CTNNBIP1: variants seen among roughly 807,000 people sequenced by gnomAD.
The protein encoded by CTNNBIP1 is catenin beta interacting protein 1.
CTNNBIP1 carries 7 observed loss-of-function variants against 11.8 expected under a neutral mutation model. The observed-to-expected ratio is 0.60, with a 90% CI of 0.34 to 1.12. The LOEUF (loss-of-function observed/expected upper bound fraction) is 1.12, where lower values mean the gene tolerates loss of function less well. CTNNBIP1 is among the 50% of genes most tolerant of loss of function. The pLI, the probability that CTNNBIP1 is intolerant of heterozygous loss-of-function variation, is 0.03. For synonymous variants in CTNNBIP1, 58 were observed against 43.9 expected, an observed-to-expected ratio of 1.32 and a Z score of -1.26; for missense variants, 101 against 113.4, an observed-to-expected ratio of 0.89 and a Z score of 0.50.
intron 1 of CTNNBIP1, among the ~76,000 whole-genome samples, chr1:9,897,828 T>TA (rs1269835936): frequency 6.6e-6 from 1 of 151,118 alleles, no homozygotes; most frequent in East Asian, 1.9e-4. Context: ...ATAAAAGAAA[T>TA]AAAAAAATTT....
chr1:9,896,101 T>TG lies in CTNNBIP1; in HGVS notation c.-143-12364dup, dbSNP rs1490046151. On this transcript the variant is annotated intron_variant, in intron 1 of 5. Coordinates refer to ENST00000377263, the MANE Select transcript of CTNNBIP1 (RefSeq NM_020248.3). ...GCTCTTCAACCTACTTAATCTAGAG[T>TG]GGTTTAGCAGCTTTTCTTTGTTTAT... Among the ~76,000 whole-genome samples the TG allele has an allele frequency of 2.2e-4, 33 of 152,088 alleles. 1 individual carries two copies. In the East Asian group the frequency reaches 2.3e-3, roughly 11 times the overall value.
rs1316715071 is a variant in CTNNBIP1 at position 9,859,141 on chromosome 1, C to G, written c.188-8365G>C. Among the ~76,000 whole-genome samples the G allele has an allele frequency of 2.0e-5, 3 of 152,336 alleles. No individual in the cohort carries two copies. In the East Asian group the frequency reaches 5.8e-4, roughly 29 times the overall value. On this transcript the variant is annotated intron_variant, in intron 5 of 5. Coordinates refer to ENST00000377263, the MANE Select transcript of CTNNBIP1 (RefSeq NM_020248.3). Reference sequence around the variant, plus strand: ...CAACTGGTCCCCACTCCTATCTCCCCTGAGCCCTGCTCCCTATCTCTGCCT... The same window carrying G: ...CAACTGGTCCCCACTCCTATCTCCCGTGAGCCCTGCTCCCTATCTCTGCCT...
chr1:9,905,712 G>T (rs1189003759), intron 1 of CTNNBIP1, among the ~76,000 whole-genome samples: 3 of 151,086 alleles, frequency 2.0e-5, no homozygotes, highest in African/African-American at 7.3e-5. Context: ...TTACAAGCGT[G>T]AACCACCGCG....
rs1204927741 is a variant in CTNNBIP1 at position 9,910,135 on chromosome 1, T to G, written c.-184A>C. 6 of 145,878 alleles carry G rather than the reference T, an allele frequency of 4.1e-5. No individual in the cohort carries two copies. Among genetic ancestry groups the G allele is most frequent in the African/African-American group, 1.5e-4 (6 of 40,604 alleles). The allele number at this position is 145,878 out of a possible 1,614,324, so 9.0% of individuals were successfully genotyped here. On this transcript the variant is annotated 5_prime_UTR_variant, in exon 1 of 6. Coordinates refer to ENST00000377263, the MANE Select transcript of CTNNBIP1 (RefSeq NM_020248.3). ...CGGCCGGGCCGGCAGGGGCAGCGGG[T>G]CCGGCGCGCAGCGCGCGGCGGCCTG...
chr1:9,859,394 G>A (rs957261085), intron 5 of CTNNBIP1, among the ~76,000 whole-genome samples: 3 of 152,160 alleles, frequency 2.0e-5, no homozygotes, highest in African/African-American at 4.8e-5. Flanking sequence ...GCCCCTAGCC[G>A]GGGGCGGGAG....
At chr1:9,895,264 T>C (rs1037089297) in intron 1 of CTNNBIP1, among the ~76,000 whole-genome samples, 2 of 151,346 alleles carry the variant, frequency 1.3e-5, no homozygotes, top group African/African-American at 2.4e-5. Flanking sequence ...AATGGCACAA[T>C]TGCAACTCAC....
At chr1:9,882,720 G>C (rs1639109533) in intron 2 of CTNNBIP1, among the ~76,000 whole-genome samples, 2 of 152,196 alleles carry the variant, frequency 1.3e-5, no homozygotes, top group African/African-American at 4.8e-5. Context: ...CAGGAGGAGT[G>C]TAAGAGTGGG....
At chr1:9,903,903 A>T (rs1395575491) in intron 1 of CTNNBIP1, among the ~76,000 whole-genome samples, 1 of 152,122 alleles carries the variant, frequency 6.6e-6, no homozygotes, top group African/African-American at 2.4e-5. Context: ...TCTGCCTGGG[A>T]GTCATACTGC....
At chr1:9,870,232 C>T (rs1638833425) in intron 5 of CTNNBIP1, among the ~76,000 whole-genome samples, 1 of 152,254 alleles carries the variant, frequency 6.6e-6, no homozygotes, top group African/African-American at 2.4e-5. Context: ...CCGCTCGCGT[C>T]TGGACATGCC....
chr1:9,878,525 G>A (rs1040029848), intron 2 of CTNNBIP1, among the ~76,000 whole-genome samples: 2 of 152,226 alleles, frequency 1.3e-5, no homozygotes, highest in African/African-American at 2.4e-5. Context: ...AGAAACACAC[G>A]AAAAGCACAG....
At chr1:9,887,514 C>T (rs536203795) in intron 1 of CTNNBIP1, among the ~76,000 whole-genome samples, 42 of 152,170 alleles carry the variant, frequency 2.8e-4, no homozygotes, top group African/African-American at 9.6e-4. Context: ...CAAGAGATCG[C>T]CAACATAGTA....
Position 9,871,384 on chromosome 1 carries a change from C to A in CTNNBIP1, c.97-107G>T. ...GGCCTGCTTGGTCCCTGCTTGGTCC[C>A]TGCTCGGGCTTCTGTTTCTGAGATT... On this transcript the variant is annotated intron_variant, in intron 4 of 5. Coordinates refer to ENST00000377263, the MANE Select transcript of CTNNBIP1 (RefSeq NM_020248.3). The surrounding 1 kb of genome is among the most constrained non-coding windows in gnomAD (Gnocchi z 5.2). 1 of 799,520 alleles carries A rather than the reference C, an allele frequency of 1.3e-6. No individual in the cohort carries two copies. The highest frequency in any genetic ancestry group is 1.5e-5 in the South Asian group (1 of 66,470). 49.5% of individuals were successfully genotyped at this position (799,520 alleles called of 1,614,324 possible).
intron 2 of CTNNBIP1, among the ~76,000 whole-genome samples, chr1:9,881,129 T>G (rs1371157110): frequency 6.6e-6 from 1 of 151,998 alleles, no homozygotes; most frequent in African/African-American, 2.4e-5. Context: ...TTGAACTCCC[T>G]AGCTCAAGCA....
At chr1:9,855,783 A>G (rs1465337358) in intron 5 of CTNNBIP1, among the ~76,000 whole-genome samples, 1 of 147,276 alleles carries the variant, frequency 6.8e-6, no homozygotes, top group South Asian at 2.1e-4. Context: ...GCTAGAGTGC[A>G]GTGGTACAAT....
chr1:9,890,059 A>G (rs758568571), intron 1 of CTNNBIP1, among the ~76,000 whole-genome samples: 4 of 152,224 alleles, frequency 2.6e-5, no homozygotes, highest in African/African-American at 4.8e-5. Context: ...GCATGTTCCT[A>G]TAACTGGATT....
chr1:9,901,739 G>T (rs1051208467), intron 1 of CTNNBIP1, among the ~76,000 whole-genome samples: 3 of 152,192 alleles, frequency 2.0e-5, no homozygotes, highest in African/African-American at 4.8e-5. Context: ...CAGGTGCACT[G>T]AGTGACCTGG....
intron 1 of CTNNBIP1, among the ~76,000 whole-genome samples, chr1:9,891,297 T>C (rs72858044): frequency 0.035 from 5,311 of 152,166 alleles, 296 homozygotes; most frequent in African/African-American, 0.12. Context: ...GGCCCTCCCA[T>C]TGCCTGAGGG....
chr1:9,875,791 T>A (rs546576841), intron 3 of CTNNBIP1, among the ~76,000 whole-genome samples: 1 of 152,314 alleles, frequency 6.6e-6, no homozygotes, highest in East Asian at 1.9e-4. Context: ...CAGGAGCACA[T>A]GTTCCCACCC....
intron 5 of CTNNBIP1, among the ~76,000 whole-genome samples, chr1:9,856,475 T>C (rs1289504907): frequency 6.6e-6 from 1 of 151,180 alleles, no homozygotes; most frequent in African/African-American, 2.4e-5. Flanking sequence ...AAATCATATA[T>C]CTGGTAAGGG....
Sources: gnomAD v4.1 joint callset for allele counts (sites outside exome capture counted in the v4.1 genomes callset) on GRCh38, gnomAD v4.1.1 for gene constraint, Gnocchi (gnomAD v3.1) non-coding constraint, MANE v1.5 for transcripts, NCBI Gene and HGNC (gene_info 2026-07-23, HGNC 2026-07-21) for gene names.